GPAM: variants seen among roughly 807,000 people sequenced by gnomAD.
The protein encoded by GPAM is glycerol-3-phosphate acyltransferase 1, mitochondrial.
GPAM carries 56 observed loss-of-function variants against 105.0 expected under a neutral mutation model. The ratio of observed to expected loss-of-function variants is 0.53; its 90% confidence interval spans 0.43 to 0.67. The LOEUF (loss-of-function observed/expected upper bound fraction) is 0.67. GPAM is among the 30% of genes least tolerant of loss of function. The pLI is 0.00. For missense variants in GPAM, 855 were observed against 989.8 expected, an observed-to-expected ratio of 0.86 and a Z score of 1.83; for synonymous variants, 368 against 354.4, an observed-to-expected ratio of 1.04 and a Z score of -0.43.
intron 9 of GPAM, among the ~76,000 whole-genome samples, chr10:112,171,193 T>C (rs1180860358): frequency 6.6e-6 from 1 of 152,228 alleles, no homozygotes; most frequent in Non-Finnish European, 1.5e-5. Flanking sequence ...TCTTTGTTGG[T>C]GATCAGACCT....
rs1343105610 is a variant in GPAM at position 112,160,589 on chromosome 10, C to T, written c.1759+15G>A. On this transcript the variant is annotated intron_variant, in intron 16 of 21. Coordinates refer to ENST00000348367, the MANE Select transcript of GPAM (RefSeq NM_001244949.2). Reference sequence around the variant, plus strand: ...TCCATGAAAATTACTGAAAATATTTCAAGGTCTGACATACCTATGATGGCC... The same window carrying T: ...TCCATGAAAATTACTGAAAATATTTTAAGGTCTGACATACCTATGATGGCC... 6.2e-7 allele frequency: 1 copy of T among 1,607,338 alleles called. No individual in the cohort carries two copies. Among genetic ancestry groups the T allele is most frequent in the South Asian group, 1.1e-5 (1 of 90,910 alleles).
chr10:112,161,632 T>G, intron 15 of GPAM, 35 bp downstream of exon 15: 1 of 1,552,944 alleles, frequency 6.4e-7, no homozygotes, highest in South Asian at 1.1e-5. Flanking sequence ...ATTCTCCTGC[T>G]TCCTACTTAA....
At chr10:112,186,486 A>G (rs1183409510), upstream of GPAM, among the ~76,000 whole-genome samples, 1 of 151,976 alleles carries the variant, frequency 6.6e-6, no homozygotes, top group Non-Finnish European at 1.5e-5. Flanking sequence ...TTAAGAAACC[A>G]CAAATACGTA....
At chr10:112,216,729 T>A (rs377450421), upstream of GPAM, among the ~76,000 whole-genome samples, 1 of 152,102 alleles carries the variant, frequency 6.6e-6, no homozygotes, top group Non-Finnish European at 1.5e-5. Flanking sequence ...GTTCAAGCGA[T>A]TCTCGTGCCT....
Position 112,173,799 on chromosome 10 carries a change from C to T in GPAM, c.460G>A (p.Gly154Ser). The T allele has an allele frequency of 6.2e-7, 1 of 1,613,266 alleles. No homozygotes were observed. The highest frequency in any genetic ancestry group is 8.5e-7 in the Non-Finnish European group (1 of 1,179,318). The change falls in exon 7 of 22, where the codon GGT (glycine) becomes AGT (serine). Residue 154 changes from glycine (G) to serine (S), a missense_variant. Coordinates refer to ENST00000348367, the MANE Select transcript of GPAM (RefSeq NM_001244949.2). The stretch of plus-strand genomic sequence containing the variant: ...GCTTTTGATTGCTGCTGGGCAGAAC[C>T]ATCAGGGTTTAATTCAGCAGCCACT... Reference protein sequence around the residue: ...AEVAAELNPDGSAQQQSKAVN... With the variant: ...AEVAAELNPDSSAQQQSKAVN...
At chr10:112,181,907 A>G (rs558752844) in intron 2 of GPAM, 94 bp from the exon 3 acceptor site, 5 of 684,688 alleles carry the variant, frequency 7.3e-6, no homozygotes, top group South Asian at 6.2e-5. Flanking sequence ...TTGCTCCACA[A>G]TGGGATATCA....
upstream of GPAM, among the ~76,000 whole-genome samples, chr10:112,187,572 G>A (rs922423066): frequency 3.0e-4 from 45 of 151,774 alleles, no homozygotes; most frequent in Non-Finnish European, 1.5e-4. Context: ...AAAACTAATC[G>A]AATTGCAAGA....
chr10:112,176,782 CAG>C (rs1195056970), intron 5 of GPAM, among the ~76,000 whole-genome samples: 2 of 152,358 alleles, frequency 1.3e-5, no homozygotes, highest in African/African-American at 4.8e-5. Context: ...GTGACAGTGA[CAG>C]AGTGTGTGAC....
At chr10:112,211,982 C>T (rs1847915872) in intron 1 of GPAM, among the ~76,000 whole-genome samples, 2 of 152,270 alleles carry the variant, frequency 1.3e-5, no homozygotes, top group African/African-American at 4.8e-5. Flanking sequence ...CAAGACCATT[C>T]CCTGAGAGAA....
chr10:112,158,394 C>T lies in GPAM; in HGVS notation c.1903-1G>A, dbSNP rs771480502. ...AGACTTGGTAAAATGTCTGGCAAGGCTGAAAAGAAAATTCATTTAAATATA... is the reference window on the plus strand; with the variant it reads ...AGACTTGGTAAAATGTCTGGCAAGGTTGAAAAGAAAATTCATTTAAATATA... On this transcript the variant is annotated splice_acceptor_variant, in intron 17 of 21. Coordinates refer to ENST00000348367, the MANE Select transcript of GPAM (RefSeq NM_001244949.2). LOFTEE classifies it high-confidence loss of function. 1 of 1,579,926 alleles carries T rather than the reference C, an allele frequency of 6.3e-7. No homozygotes were observed. Among genetic ancestry groups the T allele is most frequent in the Non-Finnish European group, 8.7e-7 (1 of 1,148,844 alleles).
chr10:112,166,133 C>A (rs1847211770), intron 12 of GPAM, among the ~76,000 whole-genome samples: 1 of 151,776 alleles, frequency 6.6e-6, no homozygotes, highest in Non-Finnish European at 1.5e-5. Context: ...GTTTTTTGTT[C>A]CCCTTAGATG....
chr10:112,159,506 A>C (rs1036243784), intron 17 of GPAM, among the ~76,000 whole-genome samples: 3 of 152,110 alleles, frequency 2.0e-5, no homozygotes, highest in African/African-American at 7.2e-5. Context: ...TACAGGCGTG[A>C]GCCACCGCAC....
chr10:112,173,136 A>G (rs1245324610), intron 7 of GPAM, 70 bp from the exon 8 acceptor site: 10 of 886,422 alleles, frequency 1.1e-5, no homozygotes, highest in Non-Finnish European at 1.7e-5. Context: ...AAGCACATAC[A>G]GTTGACTTCT....
At chr10:112,173,674 A>T (rs770332373) in intron 7 of GPAM, 25 bp downstream of exon 7, 1 of 1,611,444 alleles carries the variant, frequency 6.2e-7, no homozygotes, top group Non-Finnish European at 8.5e-7. Flanking sequence ...TGTGATTGAA[A>T]GCTTTCTGCC....
chr10:112,155,100 C>T (rs1469002993), intron 20 of GPAM: 1 of 203,762 alleles, frequency 4.9e-6, no homozygotes. Flanking sequence ...AAAGCACAGG[C>T]CTCGAGGTTA....
At chr10:112,209,426 A>C (rs766481018) in intron 1 of GPAM, among the ~76,000 whole-genome samples, 8 of 152,038 alleles carry the variant, frequency 5.3e-5, no homozygotes, top group Non-Finnish European at 1.0e-4. Context: ...CCTGAGCATC[A>C]GCCCACAGGA....
chr10:112,224,479 T>C, the GPAM span, among the ~76,000 whole-genome samples: 1 of 152,140 alleles, frequency 6.6e-6, no homozygotes, highest in Non-Finnish European at 1.5e-5. Context: ...TTAAATTTCC[T>C]CCACTGCAAG....
intron 15 of GPAM, 33 bp from the exon 16 acceptor site, chr10:112,160,901 G>A (rs1446029631): frequency 1.9e-6 from 3 of 1,598,474 alleles, no homozygotes; most frequent in Non-Finnish European, 2.6e-6. Context: ...TCATGATGGT[G>A]GAAAACCTAC....
intron 8 of GPAM, 56 bp downstream of exon 8, chr10:112,172,914 A>G: frequency 1.1e-6 from 1 of 949,222 alleles, no homozygotes; most frequent in Non-Finnish European, 1.7e-6. Context: ...CAAGAACCCT[A>G]AAACCACTCT....
Sources: allele counts gnomAD v4.1 joint callset (sites outside exome capture counted in the v4.1 genomes callset), GRCh38; gene constraint gnomAD v4.1.1; transcripts MANE v1.5; gene names NCBI Gene and HGNC (gene_info 2026-07-23, HGNC 2026-07-21).